Variants in XRRA1 observed in about 807,000 individuals in gnomAD.
XRRA1 encodes X-ray radiation resistance associated 1.
XRRA1 carries 69 observed loss-of-function variants against 80.2 expected under a neutral mutation model. That is an observed-to-expected ratio of 0.86 (90% CI 0.71 to 1.05). The LOEUF (loss-of-function observed/expected upper bound fraction) is 1.05. Ranked by LOEUF, XRRA1 falls within the 50% of genes least tolerant of loss-of-function variation. The pLI is 0.00. For missense variants in XRRA1, 967 were observed against 976.4 expected, an observed-to-expected ratio of 0.99 and a Z score of 0.13; for synonymous variants, 348 against 389.9, an observed-to-expected ratio of 0.89 and a Z score of 1.27.
At chr11:74,940,992 AC>A (rs1946230474) in intron 2 of XRRA1, 110 bp from the exon 3 acceptor site, 7 of 744,336 alleles carry the variant, frequency 9.4e-6, no homozygotes, top group Non-Finnish European at 1.6e-5. Context: ...ACCCGCACAC[AC>A]CCTGCCTCCG....
At chr11:74,939,976 T>C (rs1486901285) in intron 3 of XRRA1, among the ~76,000 whole-genome samples, 2 of 152,134 alleles carry the variant, frequency 1.3e-5, no homozygotes, top group African/African-American at 4.8e-5. Context: ...CCAGGGAAAG[T>C]CTCTGTGTGA....
intron 4 of XRRA1, among the ~76,000 whole-genome samples, chr11:74,934,077 G>A (rs889817380): frequency 6.6e-6 from 1 of 152,142 alleles, no homozygotes; most frequent in Non-Finnish European, 1.5e-5. Context: ...ACGCTTTGCT[G>A]AATACATTAA....
intron 3 of XRRA1, among the ~76,000 whole-genome samples, chr11:74,940,245 G>T (rs1480833334): frequency 6.6e-6 from 1 of 152,172 alleles, no homozygotes; most frequent in African/African-American, 2.4e-5. Flanking sequence ...CTACCTGGCA[G>T]AGTCGAATTT....
At chr11:74,855,708 A>T (rs894123928) in intron 12 of XRRA1, among the ~76,000 whole-genome samples, 1 of 152,254 alleles carries the variant, frequency 6.6e-6, no homozygotes, top group Non-Finnish European at 1.5e-5. Flanking sequence ...TCTAGTGAAT[A>T]TTCTGAGTAA....
At chr11:74,886,540 C>T (rs1375470265) in intron 10 of XRRA1, among the ~76,000 whole-genome samples, 2 of 149,368 alleles carry the variant, frequency 1.3e-5, no homozygotes, top group Non-Finnish European at 3.0e-5. Context: ...AGTTATAAAA[C>T]ACGGCTTAAA....
intron 5 of XRRA1, among the ~76,000 whole-genome samples, chr11:74,931,991 AAT>A (rs1207283802): frequency 6.6e-6 from 1 of 152,114 alleles, no homozygotes; most frequent in Non-Finnish European, 1.5e-5. Context: ...TATGAGGCTG[AAT>A]ATCTTTTTCT....
chr11:74,914,221 A>C (rs990776001), intron 8 of XRRA1, among the ~76,000 whole-genome samples: 2 of 152,202 alleles, frequency 1.3e-5, no homozygotes, highest in Non-Finnish European at 2.9e-5. Context: ...CCTGACCTCA[A>C]GTGATCCACC....
chr11:74,892,133 C>A (rs960044268), intron 10 of XRRA1, among the ~76,000 whole-genome samples: 3 of 152,176 alleles, frequency 2.0e-5, no homozygotes, highest in African/African-American at 4.8e-5. Flanking sequence ...CTGGAGGCAT[C>A]ACGCTACCTG....
intron 11 of XRRA1, among the ~76,000 whole-genome samples, chr11:74,860,118 GC>G (rs1420810402): frequency 2.6e-5 from 4 of 152,154 alleles, no homozygotes; most frequent in African/African-American, 9.7e-5. Flanking sequence ...CTTAAATTTT[GC>G]TTGTTCATTC....
intron 5 of XRRA1, among the ~76,000 whole-genome samples, chr11:74,932,737 G>C (rs899683301): frequency 6.6e-6 from 1 of 152,152 alleles, no homozygotes; most frequent in South Asian, 2.1e-4. Context: ...CCATGTGCTG[G>C]CCTAGAATGG....
intron 12 of XRRA1, among the ~76,000 whole-genome samples, chr11:74,852,984 A>G (rs756923004): frequency 3.9e-5 from 6 of 152,250 alleles, no homozygotes; most frequent in Non-Finnish European, 7.3e-5. Flanking sequence ...CTTACTGGAT[A>G]GCACTAGATT....
chr11:74,944,913 G>T (rs1947186547), intron 2 of XRRA1, 105 bp downstream of exon 2: 1 of 152,506 alleles, frequency 6.6e-6, no homozygotes, highest in Admixed American at 6.5e-5. Flanking sequence ...TGTTAGATGT[G>T]ATGTAATTTG....
intron 10 of XRRA1, among the ~76,000 whole-genome samples, chr11:74,885,658 T>A (rs924896279): frequency 6.6e-6 from 1 of 152,164 alleles, no homozygotes; most frequent in South Asian, 2.1e-4. Flanking sequence ...CTGGTACCAT[T>A]CCTATTGAAA....
intron 7 of XRRA1, among the ~76,000 whole-genome samples, chr11:74,925,700 A>G (rs942159432): frequency 6.6e-6 from 1 of 152,176 alleles, no homozygotes; most frequent in African/African-American, 2.4e-5. Context: ...TAAGGCCTCC[A>G]AAAAAGTCAC....
At chr11:74,946,891 A>G (rs1253463931) in intron 1 of XRRA1, among the ~76,000 whole-genome samples, 1 of 151,996 alleles carries the variant, frequency 6.6e-6, no homozygotes, top group Non-Finnish European at 1.5e-5. Flanking sequence ...AGCTGGGACT[A>G]CAGGCGCCCG....
intron 10 of XRRA1, among the ~76,000 whole-genome samples, chr11:74,888,794 G>A (rs2049829632): frequency 6.6e-6 from 1 of 152,068 alleles, no homozygotes; most frequent in Non-Finnish European, 1.5e-5. Flanking sequence ...TGATCAACTG[G>A]AAGAAAGGGT....
At chr11:74,846,796 T>C (rs190557529) in intron 15 of XRRA1, among the ~76,000 whole-genome samples, 1 of 152,284 alleles carries the variant, frequency 6.6e-6, no homozygotes, top group Admixed American at 6.5e-5. Context: ...TCATAATTAA[T>C]GGTGAAAGAC....
At chr11:74,845,027 G>A (rs778141828) in intron 16 of XRRA1, 46 bp downstream of exon 16, 56 of 1,592,336 alleles carry the variant, frequency 3.5e-5, no homozygotes, top group Non-Finnish European at 4.7e-5. Flanking sequence ...GCTCTGAGCT[G>A]TGGAGATGGC....
chr11:74,919,735 G>A (rs1263284779), intron 8 of XRRA1: 4 of 462,326 alleles, frequency 8.7e-6, no homozygotes, highest in African/African-American at 2.0e-5. Context: ...AAAGAGATTC[G>A]GAAATTTGTC....
Sources: gnomAD v4.1 joint callset for allele counts (sites outside exome capture counted in the v4.1 genomes callset) on GRCh38, gnomAD v4.1.1 for gene constraint, MANE v1.5 for transcripts, NCBI Gene and HGNC (gene_info 2026-07-23, HGNC 2026-07-21) for gene names.